The following LRRTM3 variants were observed in gnomAD, a reference collection of about 807,000 sequenced individuals.
LRRTM3 encodes the protein leucine rich repeat transmembrane neuronal 3, also known as leucine-rich repeat transmembrane neuronal protein 3.
LRRTM3 carries 24 observed loss-of-function variants against 44.7 expected under a neutral mutation model. The ratio of observed to expected loss-of-function variants is 0.54; its 90% CI spans 0.39 to 0.76. The LOEUF is 0.76. Ranked by LOEUF, LRRTM3 falls within the 30% of genes least tolerant of loss-of-function variation. LRRTM3 has a pLI of 0.00. For synonymous variants in LRRTM3, 277 were observed against 278.7 expected (o/e 0.99, Z 0.06); for missense variants, 587 against 702.2 (o/e 0.84, Z 1.85).
intron 2 of LRRTM3, among the ~76,000 whole-genome samples, chr10:67,068,809 C>T (rs1439596732): frequency 6.6e-6 from 1 of 152,182 alleles, no homozygotes; most frequent in African/African-American, 2.4e-5. Flanking sequence ...CCTGTAATCC[C>T]AGCACTTTGG....
chr10:66,974,300 G>A (rs1335559784), intron 2 of LRRTM3, among the ~76,000 whole-genome samples: 1 of 152,148 alleles, frequency 6.6e-6, no homozygotes, highest in African/African-American at 2.4e-5. Context: ...TAAGAAGAAA[G>A]GAGTAATCTA....
chr10:67,046,508 C>A (rs1169716437), intron 2 of LRRTM3, among the ~76,000 whole-genome samples: 1 of 152,154 alleles, frequency 6.6e-6, no homozygotes, highest in East Asian at 1.9e-4. Flanking sequence ...CAAGGGGATT[C>A]CTGGAAAGAA....
chr10:66,964,880 T>A (rs1003403178), intron 2 of LRRTM3, among the ~76,000 whole-genome samples: 1 of 152,164 alleles, frequency 6.6e-6, no homozygotes, highest in African/African-American at 2.4e-5. Context: ...AACTCAAAAT[T>A]AAACCCTGAC....
At chr10:67,051,463 C>T (rs892461068) in intron 2 of LRRTM3, among the ~76,000 whole-genome samples, 13 of 129,746 alleles carry the variant, frequency 1.0e-4, no homozygotes, top group Non-Finnish European at 1.5e-4. Context: ...TTTCTTTTTT[C>T]TTTTTTTTTT....
chr10:67,014,738 G>T (rs1852551009), intron 2 of LRRTM3, among the ~76,000 whole-genome samples: 1 of 151,698 alleles, frequency 6.6e-6, no homozygotes. Flanking sequence ...GTTTCAGAAA[G>T]TTTCACTTTA....
rs904295284 is a variant in LRRTM3 at position 67,097,898 on chromosome 10, C to T, written c.*102C>T. On this transcript the variant is annotated 3_prime_UTR_variant, in exon 3 of 3. Coordinates refer to ENST00000361320, the MANE Select transcript of LRRTM3 (RefSeq NM_178011.5). Reference sequence around the variant, plus strand: ...TGGACTCTAAAAACAAAACAAAACACAAAATCCCCTGTTCAAATAAACAAA... The same window carrying T: ...TGGACTCTAAAAACAAAACAAAACATAAAATCCCCTGTTCAAATAAACAAA... 5.1e-6 allele frequency: 5 copies of T among 976,632 alleles called. No homozygotes were observed. The highest frequency in any genetic ancestry group is 1.6e-5 in the African/African-American group (1 of 61,138). The allele number at this position is 976,632 out of a possible 1,614,324, so 60.5% of individuals were successfully genotyped here.
intron 2 of LRRTM3, among the ~76,000 whole-genome samples, chr10:67,001,340 A>C (rs1166836619): frequency 6.6e-6 from 1 of 151,254 alleles, no homozygotes; most frequent in Admixed American, 6.6e-5. Context: ...AAATTAAATA[A>C]ACTAATAATA....
intron 2 of LRRTM3, among the ~76,000 whole-genome samples, chr10:67,057,420 T>C (rs547849889): frequency 6.6e-6 from 1 of 152,096 alleles, no homozygotes; most frequent in Admixed American, 6.6e-5. Flanking sequence ...CATCTCTCCA[T>C]TTCTCTCACT....
chr10:67,012,010 T>C (rs532216591), intron 2 of LRRTM3, among the ~76,000 whole-genome samples: 1 of 152,286 alleles, frequency 6.6e-6, no homozygotes, highest in Admixed American at 6.5e-5. Context: ...AGGCATTATC[T>C]TTAGGTTTAA....
At chr10:66,997,501 G>A (rs866380479) in intron 2 of LRRTM3, among the ~76,000 whole-genome samples, 1 of 152,096 alleles carries the variant, frequency 6.6e-6, no homozygotes, top group East Asian at 1.9e-4. Context: ...CCAAATTCTT[G>A]TCTGTTCATA....
chr10:67,007,856 T>C (rs1017369737), intron 2 of LRRTM3, among the ~76,000 whole-genome samples: 1 of 152,084 alleles, frequency 6.6e-6, no homozygotes, highest in Non-Finnish European at 1.5e-5. Flanking sequence ...TTATTTCAGA[T>C]ATTTTGATAA....
chr10:66,978,508 T>TA (rs1298815500), intron 2 of LRRTM3, among the ~76,000 whole-genome samples: 2 of 79,746 alleles, frequency 2.5e-5, no homozygotes, highest in African/African-American at 8.6e-5. Context: ...GCCTGGATGA[T>TA]AGAGTGAGAC....
intron 2 of LRRTM3, among the ~76,000 whole-genome samples, chr10:67,051,443 T>TG (rs1284457696): frequency 3.6e-5 from 4 of 111,270 alleles, no homozygotes; most frequent in Non-Finnish European, 7.0e-5. Flanking sequence ...CTTACACATC[T>TG]TTTTTCTTTT....
At position 67,097,700 on chromosome 10, in the gene LRRTM3, G is replaced by T. The variant is rs267602550; in HGVS notation, c.1650G>T (p.Gln550His). The T allele has an allele frequency of 6.2e-7, 1 of 1,612,754 alleles. No homozygotes were observed. Among genetic ancestry groups the T allele is most frequent in the Admixed American group, 1.7e-5 (1 of 59,852 alleles). ...LSHKSFETNAQEDTMETHLET... is the reference protein window; with the variant it reads ...LSHKSFETNAHEDTMETHLET... ...ATAAGTCCTTTGAAACGAATGCACA[G>T]GAAGATACGATGGAAACACACCTAG... Residue 550 changes from glutamine (Q) to histidine (H), a missense_variant, in exon 3 of 3, where the codon CAG becomes CAT. Physicochemically the swap from Gln to His is conservative, Grantham distance 24 (BLOSUM62 0). This residue lies in a region of LRRTM3 where 315 missense variants were observed against 335.6 expected (regional missense o/e 0.94). Transcript: ENST00000361320.
chr10:67,000,776 T>C (rs946033973), intron 2 of LRRTM3, among the ~76,000 whole-genome samples: 2 of 152,086 alleles, frequency 1.3e-5, no homozygotes, highest in African/African-American at 2.4e-5. Context: ...TAAAATTCTA[T>C]GGGGAGCGCA....
intron 2 of LRRTM3, among the ~76,000 whole-genome samples, chr10:66,962,564 C>T (rs1849173468): frequency 6.6e-6 from 1 of 151,944 alleles, no homozygotes; most frequent in Non-Finnish European, 1.5e-5. Context: ...CACGTGCCAC[C>T]ACACCCAGAT....
intron 2 of LRRTM3, among the ~76,000 whole-genome samples, chr10:67,028,147 A>G (rs1886725): frequency 0.9 from 137,419 of 152,232 alleles, 62,461 homozygotes; most frequent in South Asian, 0.97. Flanking sequence ...GCTGCACTGC[A>G]TTGGACAACT....
chr10:66,926,277 C>G lies in LRRTM3; in HGVS notation c.-307C>G. 2.3e-6 allele frequency: 1 copy of G among 444,120 alleles called. No homozygotes were observed. Among genetic ancestry groups the G allele is most frequent in the Non-Finnish European group, 4.2e-6 (1 of 238,062 alleles). 27.5% of individuals were successfully genotyped at this position (444,120 alleles called of 1,614,324 possible). A position where few individuals can be genotyped will look rare whatever the true frequency, so the allele number is the denominator to read the frequency against. On this transcript the variant is annotated 5_prime_UTR_variant, in exon 1 of 3. Transcript: ENST00000361320. ...TAGGATCCAGTTTTTTTTTTAACCGCCCCCTCCCCACCCCCCAAAAAACTG... is the reference window on the plus strand; with the variant it reads ...TAGGATCCAGTTTTTTTTTTAACCGGCCCCTCCCCACCCCCCAAAAAACTG...
chr10:67,089,710 TATAC>T (rs1857512783), intron 2 of LRRTM3, among the ~76,000 whole-genome samples: 1 of 130,014 alleles, frequency 7.7e-6, no homozygotes, highest in Non-Finnish European at 1.6e-5. Flanking sequence ...CATATGTGTA[TATAC>T]ATATGTGTGT....
Sources: gnomAD v4.1 joint callset for allele counts (sites outside exome capture counted in the v4.1 genomes callset) on GRCh38, gnomAD v4.1.1 for gene constraint, gnomAD v4.1.1 regional missense constraint, MANE v1.5 for transcripts, NCBI Gene and HGNC (gene_info 2026-07-23, HGNC 2026-07-21) for gene names.